CCN4: variants seen among roughly 807,000 people sequenced by gnomAD.
The protein encoded by CCN4 is cellular communication network factor 4, also known as CCN family member 4.
A neutral mutation model predicts 36.7 loss-of-function variants in CCN4; 30 were observed. That is an observed-to-expected ratio of 0.82 (90% CI 0.61 to 1.11). CCN4 has a LOEUF of 1.11. Ranked by LOEUF, CCN4 falls within the 50% of genes least tolerant of loss-of-function variation. The pLI is 0.00. For missense variants in CCN4, 505 were observed against 504.9 expected (o/e 1.00, Z 0.00); for synonymous variants, 191 against 195.4 (o/e 0.98, Z 0.19).
chr8:133,212,765 T>C (rs770832499), intron 1 of CCN4, 99 bp from the exon 2 acceptor site: 9 of 939,378 alleles, frequency 9.6e-6, no homozygotes, highest in Non-Finnish European at 1.3e-5. Flanking sequence ...TATGAAAACC[T>C]TTTGAACAGC....
chr8:133,223,686 C>G (rs1240464201), intron 3 of CCN4, among the ~76,000 whole-genome samples: 1 of 152,002 alleles, frequency 6.6e-6, no homozygotes, highest in East Asian at 1.9e-4. Context: ...CCTTCTTTCT[C>G]TCTCTTTTCT....
At chr8:133,203,729 T>C (rs1267346739) in intron 1 of CCN4, among the ~76,000 whole-genome samples, 6 of 152,132 alleles carry the variant, frequency 3.9e-5, no homozygotes, top group Non-Finnish European at 7.4e-5. Flanking sequence ...TTCCATGCCC[T>C]GTTCACAATA....
chr8:133,203,778 C>T, intron 1 of CCN4, among the ~76,000 whole-genome samples: 1 of 152,214 alleles, frequency 6.6e-6, no homozygotes, highest in East Asian at 1.9e-4. Flanking sequence ...GATCTATCTC[C>T]TTCATCAAAC....
chr8:133,211,080 T>A (rs1429956972), intron 1 of CCN4, among the ~76,000 whole-genome samples: 1 of 152,226 alleles, frequency 6.6e-6, no homozygotes, highest in African/African-American at 2.4e-5. Context: ...GTTCAGAGCC[T>A]AGTCAGACTA....
chr8:133,219,415 CT>C (rs935628030), intron 2 of CCN4, among the ~76,000 whole-genome samples: 42 of 152,286 alleles, frequency 2.8e-4, no homozygotes, highest in African/African-American at 9.6e-4. Flanking sequence ...CTCCTTCAGG[CT>C]TTGCTGAGCG....
At chr8:133,195,159 AGTGT>A (rs1853329419) in intron 1 of CCN4, among the ~76,000 whole-genome samples, 1 of 92,996 alleles carries the variant, frequency 1.1e-5, no homozygotes, top group African/African-American at 4.3e-5. Flanking sequence ...GTGTGTGTTG[AGTGT>A]GTATGTGGTG....
intron 3 of CCN4, among the ~76,000 whole-genome samples, chr8:133,224,608 T>C (rs1175443007): frequency 6.6e-6 from 1 of 152,100 alleles, no homozygotes; most frequent in African/African-American, 2.4e-5. Context: ...AAATAAACTT[T>C]CTCTCTGCAG....
At position 133,231,504 on chromosome 8, in the gene CCN4, C is replaced by T. The variant is rs549943914; in HGVS notation, c.*3794C>T. 7.9e-5 allele frequency: 12 copies of T among 152,136 alleles called. No homozygotes were observed. Among genetic ancestry groups the T allele is most frequent in the African/African-American group, 2.2e-4 (9 of 41,426 alleles). The allele number at this position is 152,136 out of a possible 1,614,324, so 9.4% of individuals were successfully genotyped here. A position where few individuals can be genotyped will look rare whatever the true frequency, so the allele number is the denominator to read the frequency against. ...CTCATTTTTCTCATGATTTGTGTAGCGTGGAATGTGTTTGCTCAATGTGAA... is the reference window on the plus strand; with the variant it reads ...CTCATTTTTCTCATGATTTGTGTAGTGTGGAATGTGTTTGCTCAATGTGAA... On this transcript the variant is annotated 3_prime_UTR_variant, in exon 5 of 5. Transcript: ENST00000250160.
chr8:133,219,115 T>G (rs552291986), intron 2 of CCN4, among the ~76,000 whole-genome samples: 4 of 152,276 alleles, frequency 2.6e-5, no homozygotes, highest in African/African-American at 7.2e-5. Flanking sequence ...TGTTCTCATG[T>G]CCTCAACTCA....
chr8:133,215,144 G>A (rs944988178), intron 2 of CCN4, among the ~76,000 whole-genome samples: 8 of 152,150 alleles, frequency 5.3e-5, no homozygotes, highest in East Asian at 1.9e-4. Flanking sequence ...TGCAGCATCC[G>A]CTGCACAGAA....
intron 1 of CCN4, among the ~76,000 whole-genome samples, chr8:133,197,637 G>A (rs565676038): frequency 3.2e-4 from 49 of 152,272 alleles, no homozygotes; most frequent in African/African-American, 1.2e-3. Context: ...AAATGTGAAC[G>A]ATGGGCATTC....
chr8:133,199,832 G>C (rs1435650522), intron 1 of CCN4, among the ~76,000 whole-genome samples: 1 of 152,164 alleles, frequency 6.6e-6, no homozygotes, highest in African/African-American at 2.4e-5. Flanking sequence ...CCCTTGTTGG[G>C]CCCTTAGTGT....
chr8:133,225,734 A>G lies in CCN4; in HGVS notation c.804+151A>G, dbSNP rs566844914. On this transcript the variant is annotated intron_variant, in intron 4 of 4. Coordinates refer to ENST00000250160, the MANE Select transcript of CCN4 (RefSeq NM_003882.4). ...TCTGGTGTAACAGCTATTTCGGATA[A>G]TGCAGGTCACCAGATTGGTGCATTG... 7 of 704,720 alleles carry G rather than the reference A, an allele frequency of 9.9e-6. No homozygotes were observed. The South Asian group carries it at 2.2e-4, about 22-fold the overall frequency. 43.7% of individuals were successfully genotyped at this position (704,720 alleles called of 1,614,324 possible).
intron 1 of CCN4, among the ~76,000 whole-genome samples, chr8:133,198,765 C>A (rs1853478903): frequency 6.6e-6 from 1 of 152,194 alleles, no homozygotes; most frequent in Non-Finnish European, 1.5e-5. Context: ...GCTGGCCTTG[C>A]CCTGTGTTTG....
rs1330479612 is a variant in CCN4 at position 133,227,837 on chromosome 8, C to G, written c.*127C>G. ...CTGGACCCTTGGCCTCCATTTCTGT[C>G]TCTAACCATTCAAATGACGCCTGAT... On this transcript the variant is annotated 3_prime_UTR_variant, in exon 5 of 5. Coordinates refer to ENST00000250160, the MANE Select transcript of CCN4 (RefSeq NM_003882.4). 1.0e-5 allele frequency: 11 copies of G among 1,069,036 alleles called. No homozygotes were observed. Among genetic ancestry groups the G allele is most frequent in the Non-Finnish European group, 1.5e-5 (11 of 757,296 alleles). The allele number at this position is 1,069,036 out of a possible 1,614,324, so 66.2% of individuals were successfully genotyped here. A position where few individuals can be genotyped will look rare whatever the true frequency, so the allele number is the denominator to read the frequency against.
At chr8:133,224,031 G>A (rs1006800033) in intron 3 of CCN4, among the ~76,000 whole-genome samples, 1 of 113,088 alleles carries the variant, frequency 8.8e-6, no homozygotes, top group African/African-American at 3.6e-5. Context: ...TAAAGGCCAG[G>A]GACAGCCTGG....
intron 1 of CCN4, among the ~76,000 whole-genome samples, chr8:133,196,626 C>A (rs139035799): frequency 3.5e-4 from 53 of 152,318 alleles, no homozygotes; most frequent in African/African-American, 2.2e-4. Context: ...AGTGTCTCCA[C>A]TTACAGGCTT....
intron 1 of CCN4, among the ~76,000 whole-genome samples, chr8:133,195,333 T>G (rs1033791170): frequency 3.9e-5 from 6 of 151,902 alleles, no homozygotes; most frequent in Non-Finnish European, 7.4e-5. Flanking sequence ...TGTGTGTGTG[T>G]GAACCTTGTG....
chr8:133,225,506 GC>G lies in CCN4; in HGVS notation c.730del (p.Gln244SerfsTer40), dbSNP rs1564268092. The G allele has an allele frequency of 6.2e-7, 1 of 1,613,986 alleles. No individual in the cohort carries two copies. The highest frequency in any genetic ancestry group is 2.2e-5 in the East Asian group (1 of 44,878). On this transcript the variant is annotated frameshift_variant, in exon 4 of 5. Coordinates refer to ENST00000250160, the MANE Select transcript of CCN4 (RefSeq NM_003882.4). LOFTEE classifies it high-confidence loss of function. ...GVSTRISNVNAQCWPEQESRL... is the reference protein window; with the variant it reads ...GVSTRISNVNXQCWPEQESRL... ...CTCCACTCGGATCTCCAATGTTAAC[GC>G]CCAGTGCTGGCCTGAGCAAGAGAGC...
Sources: allele counts gnomAD v4.1 joint callset (sites outside exome capture counted in the v4.1 genomes callset), GRCh38; gene constraint gnomAD v4.1.1; transcripts MANE v1.5; gene names NCBI Gene and HGNC (gene_info 2026-07-23, HGNC 2026-07-21).